The following ROBO2 variants were observed in gnomAD, a reference collection of about 807,000 sequenced individuals.
ROBO2 encodes the protein roundabout homolog 2.
In ROBO2, 53 loss-of-function variants were observed where a neutral mutation model predicts 160.8. That is an observed-to-expected ratio of 0.33 (90% confidence interval 0.26 to 0.41). The LOEUF (loss-of-function observed/expected upper bound fraction) is 0.41, where lower values mean the gene tolerates loss of function less well. Ranked by LOEUF, ROBO2 falls within the 10% of genes least tolerant of loss-of-function variation. The probability of loss-of-function intolerance (pLI) is 1.00; values close to 1 mark genes in which losing one functional copy is unlikely to be tolerated. For missense variants in ROBO2, 1,577 were observed against 1,722.4 expected, an observed-to-expected ratio of 0.92 and a Z score of 1.49; for synonymous variants, 664 against 611.7, an observed-to-expected ratio of 1.09 and a Z score of -1.26.
intron 2 of ROBO2, among the ~76,000 whole-genome samples, chr3:76,065,243 C>A (rs777320805): frequency 5.5e-4 from 83 of 152,076 alleles, no homozygotes; most frequent in Admixed American, 1.2e-3. Flanking sequence ...ATTGTGGTTG[C>A]TTGTCCTACA....
At chr3:76,611,873 T>C (rs190214912) in intron 2 of ROBO2, among the ~76,000 whole-genome samples, 238 of 152,326 alleles carry the variant, frequency 1.6e-3, no homozygotes, top group African/African-American at 5.5e-3. Flanking sequence ...TTAAAGTTTA[T>C]CCACTTTTTT....
chr3:75,948,010 G>T (rs1948384721), intron 2 of ROBO2, among the ~76,000 whole-genome samples: 1 of 152,078 alleles, frequency 6.6e-6, no homozygotes. Context: ...GGCTGTATGT[G>T]CATCTAGGAT....
At chr3:76,684,658 C>T (rs1444773353) in intron 2 of ROBO2, among the ~76,000 whole-genome samples, 1 of 151,854 alleles carries the variant, frequency 6.6e-6, no homozygotes, top group East Asian at 1.9e-4. Context: ...AAGAATATCA[C>T]TGACTAAAAC....
intron 2 of ROBO2, among the ~76,000 whole-genome samples, chr3:76,923,534 C>T (rs757030141): frequency 6.6e-6 from 1 of 152,128 alleles, no homozygotes; most frequent in Non-Finnish European, 1.5e-5. Context: ...AAGGATGTGA[C>T]CACACCAAGA....
At chr3:76,273,071 A>G (rs1707677012) in intron 2 of ROBO2, among the ~76,000 whole-genome samples, 1 of 106,098 alleles carries the variant, frequency 9.4e-6, no homozygotes, top group Admixed American at 1.5e-4. Context: ...AAAAATATAT[A>G]TAAATATAAT....
intron 24 of ROBO2, among the ~76,000 whole-genome samples, chr3:77,641,184 C>A (rs574394028): frequency 1.3e-5 from 2 of 152,322 alleles, no homozygotes; most frequent in South Asian, 4.1e-4. Flanking sequence ...ATTAGCTCTT[C>A]ATTTTGGAAA....
intron 2 of ROBO2, among the ~76,000 whole-genome samples, chr3:76,716,172 A>C (rs2093375945): frequency 6.6e-6 from 1 of 152,142 alleles, no homozygotes; most frequent in Admixed American, 6.5e-5. Context: ...CAGTTGATTT[A>C]TTTTATTGGC....
intron 2 of ROBO2, among the ~76,000 whole-genome samples, chr3:76,177,021 G>A (rs2073255939): frequency 6.6e-6 from 1 of 152,022 alleles, no homozygotes; most frequent in Non-Finnish European, 1.5e-5. Flanking sequence ...TTTTGCCACA[G>A]TCTCCAAATC....
chr3:77,517,797 A>T (rs2090176977), intron 5 of ROBO2, among the ~76,000 whole-genome samples: 1 of 151,190 alleles, frequency 6.6e-6, no homozygotes, highest in Admixed American at 6.6e-5. Flanking sequence ...CACGAATCAC[A>T]CCTTTGTCCA....
chr3:77,477,515 A>G (rs2084158622), exon 3 of ROBO2: 6 of 1,614,014 alleles, frequency 3.7e-6, no homozygotes, highest in Non-Finnish European at 5.1e-6. Context: ...CCCAGAACCC[A>G]CCATCTACTG....
At chr3:77,267,698 T>G (rs967430198) in intron 2 of ROBO2, among the ~76,000 whole-genome samples, 1 of 152,164 alleles carries the variant, frequency 6.6e-6, no homozygotes, top group African/African-American at 2.4e-5. Flanking sequence ...AGAGTAGTAA[T>G]TTATTGATGC....
chr3:76,445,844 T>G (rs995940521), intron 2 of ROBO2, among the ~76,000 whole-genome samples: 1 of 152,126 alleles, frequency 6.6e-6, no homozygotes, highest in East Asian at 1.9e-4. Flanking sequence ...CAACAGCCCC[T>G]CATGCTAAAA....
At chr3:76,057,327 A>G (rs17013719) in intron 2 of ROBO2, among the ~76,000 whole-genome samples, 3,126 of 152,306 alleles carry the variant, frequency 0.021, 44 homozygotes, top group East Asian at 0.081. Context: ...TTCAATAAGT[A>G]TGATCCTCAG....
At chr3:76,769,168 T>C (rs1324395285) in intron 2 of ROBO2, among the ~76,000 whole-genome samples, 1 of 151,492 alleles carries the variant, frequency 6.6e-6, no homozygotes, top group East Asian at 2.0e-4. Context: ...GTAGATGTGA[T>C]GATGCTCAAA....
intron 2 of ROBO2, among the ~76,000 whole-genome samples, chr3:77,328,371 T>C (rs533587831): frequency 2.0e-5 from 3 of 152,198 alleles, no homozygotes; most frequent in Non-Finnish European, 4.4e-5. Flanking sequence ...CACAGTTTGC[T>C]ATGTAAAGTT....
At chr3:77,007,967 G>A (rs916183989) in intron 2 of ROBO2, among the ~76,000 whole-genome samples, 1 of 151,764 alleles carries the variant, frequency 6.6e-6, no homozygotes, top group African/African-American at 2.4e-5. Flanking sequence ...AATCCAATTT[G>A]ATATATACTA....
intron 2 of ROBO2, among the ~76,000 whole-genome samples, chr3:76,220,853 G>T (rs1243151081): frequency 6.6e-6 from 1 of 152,158 alleles, no homozygotes; most frequent in East Asian, 1.9e-4. Flanking sequence ...GCTGGTATTT[G>T]TAACCACCTT....
At chr3:76,219,407 AATTTTTGCAAACT>A (rs1157961040) in intron 2 of ROBO2, among the ~76,000 whole-genome samples, 1 of 152,202 alleles carries the variant, frequency 6.6e-6, no homozygotes, top group Non-Finnish European at 1.5e-5. Flanking sequence ...CATGGGAGAA[AATTTTTGCAAACT>A]ACTTACCTGA....
chr3:76,167,702 T>A (rs908188763), intron 2 of ROBO2, among the ~76,000 whole-genome samples: 2 of 152,192 alleles, frequency 1.3e-5, no homozygotes, highest in African/African-American at 4.8e-5. Flanking sequence ...AGTATTTAGA[T>A]TTTTTACCTA....
Sources: allele counts gnomAD v4.1 joint callset (sites outside exome capture counted in the v4.1 genomes callset), GRCh38; gene constraint gnomAD v4.1.1; transcripts MANE v1.5; gene names NCBI Gene and HGNC (gene_info 2026-07-23, HGNC 2026-07-21).